PTPRN2: variants seen among roughly 807,000 people sequenced by gnomAD.
PTPRN2 encodes the protein receptor-type tyrosine-protein phosphatase N2.
In PTPRN2, 74 loss-of-function variants were observed where a neutral mutation model predicts 118.8. That is an observed-to-expected ratio of 0.62 (90% CI 0.52 to 0.76). The LOEUF (loss-of-function observed/expected upper bound fraction) is 0.76, where lower values mean the gene tolerates loss of function less well. Among genes scored for constraint, PTPRN2 ranks in the 30% least tolerant of loss-of-function variants. The pLI, the probability that PTPRN2 is intolerant of heterozygous loss-of-function variation, is 0.00. For synonymous variants in PTPRN2, 641 were observed against 608.0 expected, an observed-to-expected ratio of 1.05 and a Z score of -0.80; for missense variants, 1,481 against 1,394.4, an observed-to-expected ratio of 1.06 and a Z score of -0.99.
intron 12 of PTPRN2, among the ~76,000 whole-genome samples, chr7:157,736,974 C>T (rs1328926810): frequency 6.6e-6 from 1 of 152,176 alleles, no homozygotes; most frequent in African/African-American, 2.4e-5. Flanking sequence ...AAATGTGCTC[C>T]TGCTTCAGGT....
At chr7:157,949,701 A>G (rs1377228295) in intron 11 of PTPRN2, among the ~76,000 whole-genome samples, 1 of 152,244 alleles carries the variant, frequency 6.6e-6, no homozygotes, top group Non-Finnish European at 1.5e-5. Context: ...ATTGTTTACT[A>G]TCTAGACGGG....
chr7:158,051,106 T>TG (rs796892756), intron 11 of PTPRN2, among the ~76,000 whole-genome samples: 3 of 152,272 alleles, frequency 2.0e-5, no homozygotes, highest in South Asian at 4.1e-4. Context: ...GCAGTGCCCA[T>TG]GGGGGGCATC....
At chr7:158,415,475 G>A (rs546922223) in intron 2 of PTPRN2, among the ~76,000 whole-genome samples, 81 of 152,198 alleles carry the variant, frequency 5.3e-4, no homozygotes, top group African/African-American at 1.9e-3. Context: ...CAGGTGCCTG[G>A]GCCCCACCTC....
chr7:158,273,766 GACAT>G (rs1373985240), intron 3 of PTPRN2, among the ~76,000 whole-genome samples: 1 of 120,130 alleles, frequency 8.3e-6, no homozygotes, highest in African/African-American at 3.3e-5. Context: ...GCCACAGACA[GACAT>G]GGGAGGAGCC....
chr7:157,725,310 T>G (rs1402749677), intron 12 of PTPRN2, among the ~76,000 whole-genome samples: 12 of 91,690 alleles, frequency 1.3e-4, no homozygotes, highest in Non-Finnish European at 5.9e-5. Context: ...CCCAGAGGAG[T>G]GTGGCCAGAC....
At chr7:157,697,521 C>G (rs1347733111) in intron 12 of PTPRN2, among the ~76,000 whole-genome samples, 1 of 131,684 alleles carries the variant, frequency 7.6e-6, no homozygotes, top group Non-Finnish European at 1.6e-5. Context: ...CACCATCTAC[C>G]CATGCATACT....
rs542455911 is a variant in PTPRN2 at position 158,452,078 on chromosome 7, G to C, written c.163+37657C>G. ...ATTATCATATACCAAATACCCATAC[G>C]CATTTGGGTCTATTTCTAGACTTTC... is the stretch of plus-strand genomic sequence containing the variant. On this transcript the variant is annotated intron_variant, in intron 2 of 22. Coordinates refer to ENST00000389418, the MANE Select transcript of PTPRN2 (RefSeq NM_002847.5). 4.6e-5 allele frequency among the ~76,000 whole-genome samples: 7 copies of C among 152,066 alleles called. 1 individual carries two copies. The highest frequency in any genetic ancestry group is 1.7e-4 in the African/African-American group (7 of 41,464).
At chr7:158,476,106 G>T (rs1316599695) in intron 2 of PTPRN2, among the ~76,000 whole-genome samples, 1 of 152,208 alleles carries the variant, frequency 6.6e-6, no homozygotes, top group Non-Finnish European at 1.5e-5. Context: ...CTGGGCTCAA[G>T]TGATCCTCCC....
At chr7:158,094,332 C>A (rs1307799990) in intron 10 of PTPRN2, among the ~76,000 whole-genome samples, 1 of 152,096 alleles carries the variant, frequency 6.6e-6, no homozygotes, top group Non-Finnish European at 1.5e-5. Flanking sequence ...TGTTTTCAGA[C>A]GGAGTCTCGC....
chr7:157,750,130 C>T (rs183670601), intron 12 of PTPRN2, among the ~76,000 whole-genome samples: 159 of 152,144 alleles, frequency 1.0e-3, no homozygotes, highest in African/African-American at 3.1e-3. Context: ...CAACATAGCA[C>T]GTGGTCCTGA....
rs146429241 is a variant in PTPRN2 at position 158,045,537 on chromosome 7, G to T, written c.1723+35761C>A. Among the ~76,000 whole-genome samples, 303 of 152,328 alleles carry T rather than the reference G, an allele frequency of 2.0e-3. 1 individual carries two copies. Among genetic ancestry groups the T allele is most frequent in the African/African-American group, 6.9e-3 (287 of 41,562 alleles). The stretch of plus-strand genomic sequence containing the variant: ...GAATCAGAGAGGTGTGCCCCAGGAC[G>T]TGGGCGCAGCTGGCACATTCAGAGA... On this transcript the variant is annotated intron_variant, in intron 11 of 22. Coordinates refer to ENST00000389418, the MANE Select transcript of PTPRN2 (RefSeq NM_002847.5).
chr7:157,973,901 G>A (rs901686992), intron 11 of PTPRN2, among the ~76,000 whole-genome samples: 4 of 152,182 alleles, frequency 2.6e-5, no homozygotes, highest in Admixed American at 6.5e-5. Flanking sequence ...GGCCTCTCGC[G>A]CTGTCCTCCT....
At position 158,531,249 on chromosome 7, in the gene PTPRN2, C is replaced by T. The variant is rs536162387; in HGVS notation, c.113-41464G>A. Among the ~76,000 whole-genome samples the T allele has an allele frequency of 3.1e-3, 473 of 152,298 alleles. 6 individuals carry two copies. The highest frequency in any genetic ancestry group is 4.1e-3 in the Non-Finnish European group (281 of 68,022). On this transcript the variant is annotated intron_variant, in intron 1 of 22. Coordinates refer to ENST00000389418, the MANE Select transcript of PTPRN2 (RefSeq NM_002847.5). ...CGCTCAGGTAACGGCTTCCCAGCCA[C>T]GCCCCATTACCCACGTCCCATGCTG...
intron 13 of PTPRN2, among the ~76,000 whole-genome samples, chr7:157,658,026 GACAC>G (rs1331631375): frequency 1.5e-4 from 22 of 151,130 alleles, no homozygotes; most frequent in African/African-American, 3.9e-4. Flanking sequence ...ACACATCACA[GACAC>G]ACACACACTG....
At position 157,975,972 on chromosome 7, in the gene PTPRN2, C is replaced by T. The variant is rs76665703; in HGVS notation, c.1724-77235G>A. 7.1e-3 allele frequency among the ~76,000 whole-genome samples: 1,082 copies of T among 152,216 alleles called. 14 individuals are homozygous for T. The highest frequency in any genetic ancestry group is 0.023 in the African/African-American group (971 of 41,552). On this transcript the variant is annotated intron_variant, in intron 11 of 22. Transcript: ENST00000389418. ...CCGAGGTGGGGTGTTGTACCCCATG[C>T]GATGTGGAGAGAGGGAACTTCTGTC...
chr7:157,934,910 A>G (rs1393894469), intron 11 of PTPRN2, among the ~76,000 whole-genome samples: 2 of 152,194 alleles, frequency 1.3e-5, no homozygotes, highest in Non-Finnish European at 2.9e-5. Context: ...ATGCTGAAAC[A>G]TGTTTTTGCT....
intron 3 of PTPRN2, among the ~76,000 whole-genome samples, chr7:158,310,148 A>C (rs1381327549): frequency 1.3e-5 from 2 of 152,192 alleles, no homozygotes; most frequent in Admixed American, 1.3e-4. Flanking sequence ...TGGCACCGGG[A>C]AGTAGCAGCA....
chr7:157,842,863 A>T (rs1808533712), intron 12 of PTPRN2, among the ~76,000 whole-genome samples: 1 of 152,198 alleles, frequency 6.6e-6, no homozygotes, highest in Admixed American at 6.5e-5. Flanking sequence ...GAGGCAAGGC[A>T]CAAGTAAATT....
intron 11 of PTPRN2, among the ~76,000 whole-genome samples, chr7:157,926,811 C>G (rs1799020350): frequency 6.6e-6 from 1 of 152,216 alleles, no homozygotes; most frequent in Non-Finnish European, 1.5e-5. Flanking sequence ...CCATGGCCCC[C>G]ACTGCTGTTG....
Sources: allele counts gnomAD v4.1 joint callset (sites outside exome capture counted in the v4.1 genomes callset), GRCh38; gene constraint gnomAD v4.1.1; transcripts MANE v1.5; gene names NCBI Gene and HGNC (gene_info 2026-07-23, HGNC 2026-07-21).